SH3RF1: variants seen among roughly 807,000 people sequenced by gnomAD.
SH3RF1 encodes E3 ubiquitin-protein ligase SH3RF1.
A neutral mutation model predicts 74.0 loss-of-function variants in SH3RF1; 32 were observed. That is an observed-to-expected ratio of 0.43 (90% CI 0.33 to 0.58). SH3RF1 has a LOEUF of 0.58. Among genes scored for constraint, SH3RF1 ranks in the 20% least tolerant of loss-of-function variants. The pLI is 0.05. For missense variants in SH3RF1, 954 were observed against 1,130.9 expected (o/e 0.84, Z 2.24); for synonymous variants, 396 against 439.6 (o/e 0.90, Z 1.24).
chr4:169,106,716 C>T, intron 11 of SH3RF1, 131 bp downstream of exon 11: 2 of 746,418 alleles, frequency 2.7e-6, no homozygotes, highest in East Asian at 2.7e-5. Context: ...AAATTCAGTG[C>T]TTATTTTCAT....
chr4:169,250,000 A>G (rs576566583), intron 2 of SH3RF1, among the ~76,000 whole-genome samples: 3 of 152,226 alleles, frequency 2.0e-5, no homozygotes, highest in Non-Finnish European at 4.4e-5. Context: ...AATCCACACT[A>G]TATCAAATGA....
intron 2 of SH3RF1, among the ~76,000 whole-genome samples, chr4:169,255,623 AC>A (rs1432192825): frequency 0.17 from 1,288 of 7,804 alleles, 14 homozygotes; most frequent in African/African-American, 0.22. Context: ...ATACACACAT[AC>A]ACACACACAC....
intron 2 of SH3RF1, among the ~76,000 whole-genome samples, chr4:169,176,355 G>A (rs1048250136): frequency 6.6e-6 from 1 of 152,050 alleles, no homozygotes; most frequent in African/African-American, 2.4e-5. Context: ...GGTACATTAG[G>A]GCATATTTAA....
At chr4:169,156,072 A>C (rs1299828942) in intron 3 of SH3RF1, among the ~76,000 whole-genome samples, 1 of 152,234 alleles carries the variant, frequency 6.6e-6, no homozygotes, top group South Asian at 2.1e-4. Context: ...GAAAGTAATG[A>C]CATTTCATTT....
intron 6 of SH3RF1, among the ~76,000 whole-genome samples, chr4:169,126,966 C>T: frequency 6.6e-6 from 1 of 152,184 alleles, no homozygotes. Context: ...GACCTGACTA[C>T]CTTATAATAC....
At chr4:169,145,021 A>G (rs1733850314) in intron 4 of SH3RF1, among the ~76,000 whole-genome samples, 1 of 152,150 alleles carries the variant, frequency 6.6e-6, no homozygotes, top group Admixed American at 6.5e-5. Context: ...AGAAATGAAA[A>G]AGGCAAAGAG....
chr4:169,245,364 A>G (rs930065485), intron 2 of SH3RF1, among the ~76,000 whole-genome samples: 4 of 152,216 alleles, frequency 2.6e-5, no homozygotes, highest in African/African-American at 9.6e-5. Context: ...ATGATTGTGT[A>G]TACTCAAGTC....
rs766122315 is a variant in SH3RF1, at chr4:169,156,494, C to T, written c.579G>A (p.Pro193=). ...TGCACTGAGGTGGGGGCTGAGGTAA[C>T]GGTTTAATAATCTGCACAAAGTTGG... ...FPTNFVQIIK[P]LPQPPPQCKA... The change falls in exon 3 of 12, where the codon CCG becomes CCA. Residue 193 remains proline, a synonymous_variant. Transcript: ENST00000284637. The T allele has an allele frequency of 8.7e-6, 14 of 1,613,948 alleles. No individual in the cohort carries two copies. Among genetic ancestry groups the T allele is most frequent in the Admixed American group, 1.7e-5 (1 of 60,014 alleles).
chr4:169,127,554 C>T (rs1203959214), intron 6 of SH3RF1, among the ~76,000 whole-genome samples: 4 of 152,358 alleles, frequency 2.6e-5, no homozygotes, highest in South Asian at 4.1e-4. Flanking sequence ...GAGATCTAGA[C>T]ATCTCCTGGG....
At chr4:169,176,872 T>A (rs777064085) in intron 2 of SH3RF1, among the ~76,000 whole-genome samples, 7 of 152,198 alleles carry the variant, frequency 4.6e-5, no homozygotes, top group Non-Finnish European at 1.0e-4. Context: ...AAACCACTTG[T>A]GCTGGGCATG....
rs865929505 is a variant in SH3RF1 at position 169,163,525 on chromosome 4, A to G, written c.394-6846T>C. Among the ~76,000 whole-genome samples, 15 of 152,334 alleles carry G rather than the reference A, an allele frequency of 9.8e-5. No individual in the cohort carries two copies. The Middle Eastern group carries it at 0.02, about 207-fold the overall frequency. ...GAGAGATACAGGAAACTAGAGAGGT[A>G]GGACGAAAACCAGCAAACTATAACC... On this transcript the variant is annotated intron_variant, in intron 2 of 11. Transcript: ENST00000284637.
chr4:169,158,965 G>A (rs1304763396), intron 2 of SH3RF1, among the ~76,000 whole-genome samples: 5 of 152,138 alleles, frequency 3.3e-5, no homozygotes, highest in African/African-American at 1.2e-4. Flanking sequence ...TGTTGTAGTT[G>A]GTTAATTAGA....
rs140292688 is a variant in SH3RF1 at position 169,156,654 on chromosome 4, T to C, written c.419A>G (p.Lys140Arg). ...TTTTCCTTCATAGTTGTATAATGCT[T>C]TGGCACATGGTAACTGAGGTATACC... ...VRGIPQLPCA[K>R]ALYNYEGKEP... Residue 140 changes from lysine (K) to arginine (R), a missense_variant, in exon 3 of 12, where the codon AAA (lysine) becomes AGA (arginine). Transcript: ENST00000284637. 6.2e-7 allele frequency: 1 copy of C among 1,612,872 alleles called. No homozygotes were observed. Among genetic ancestry groups the C allele is most frequent in the East Asian group, 2.2e-5 (1 of 44,838 alleles).
chr4:169,133,974 G>A (rs1464860891), intron 5 of SH3RF1, among the ~76,000 whole-genome samples: 1 of 152,106 alleles, frequency 6.6e-6, no homozygotes, highest in Non-Finnish European at 1.5e-5. Context: ...TTCCCCATAC[G>A]CACTGATCTC....
chr4:169,258,207 T>C (rs1022533342), intron 2 of SH3RF1, among the ~76,000 whole-genome samples: 13 of 152,250 alleles, frequency 8.5e-5, no homozygotes, highest in African/African-American at 3.1e-4. Flanking sequence ...GCAGGTCTCC[T>C]CATTCTTTCC....
intron 2 of SH3RF1, among the ~76,000 whole-genome samples, chr4:169,265,461 T>C (rs1218960468): frequency 6.6e-6 from 1 of 152,150 alleles, no homozygotes; most frequent in Admixed American, 6.6e-5. Context: ...TGTTAAGAGA[T>C]ATTAAGAGAA....
intron 5 of SH3RF1, among the ~76,000 whole-genome samples, chr4:169,132,353 C>T (rs1383531511): frequency 6.6e-6 from 1 of 152,186 alleles, no homozygotes; most frequent in East Asian, 1.9e-4. Context: ...CCCTTCATGT[C>T]TCTAGGCCCC....
chr4:169,180,521 G>C (rs1230567716), intron 2 of SH3RF1, among the ~76,000 whole-genome samples: 2 of 152,224 alleles, frequency 1.3e-5, no homozygotes, highest in Non-Finnish European at 2.9e-5. Context: ...GGAAAGAAAA[G>C]AGATGGCCGT....
chr4:169,157,509 T>C (rs1334062425), intron 2 of SH3RF1, among the ~76,000 whole-genome samples: 5 of 152,218 alleles, frequency 3.3e-5, no homozygotes, highest in African/African-American at 4.8e-5. Flanking sequence ...AATCATCAAC[T>C]GATTAATATG....
Sources: gnomAD v4.1 joint callset for allele counts (sites outside exome capture counted in the v4.1 genomes callset) on GRCh38, gnomAD v4.1.1 for gene constraint, MANE v1.5 for transcripts, NCBI Gene and HGNC (gene_info 2026-07-23, HGNC 2026-07-21) for gene names.